The following ERGIC2 variants were observed in gnomAD, a reference collection of about 807,000 sequenced individuals.
ERGIC2 encodes the protein endoplasmic reticulum-Golgi intermediate compartment protein 2.
ERGIC2 carries 31 observed loss-of-function variants against 52.5 expected under a neutral mutation model. That is an observed-to-expected ratio of 0.59 (90% CI 0.44 to 0.80). ERGIC2 has a LOEUF of 0.80. Among genes scored for constraint, ERGIC2 ranks in the 30% least tolerant of loss-of-function variants. The pLI is 0.00. For synonymous variants in ERGIC2, 129 were observed against 140.6 expected (o/e 0.92, Z 0.58); for missense variants, 395 against 455.2 (o/e 0.87, Z 1.20).
At chr12:29,341,335 T>TTC (rs891013287) in intron 13 of ERGIC2, 117 bp from the exon 14 acceptor site, 13 of 766,772 alleles carry the variant, frequency 1.7e-5, no homozygotes, top group African/African-American at 7.1e-5. Context: ...AAGCTACTAT[T>TTC]TCTCTCTCTC....
intron 1 of ERGIC2, among the ~76,000 whole-genome samples, chr12:29,380,411 A>C (rs1002671012): frequency 6.6e-6 from 1 of 152,110 alleles, no homozygotes; most frequent in African/African-American, 2.4e-5. Flanking sequence ...CTTTGTCTTT[A>C]AGTCTCGGGG....
chr12:29,349,946 T>G, intron 9 of ERGIC2, 67 bp downstream of exon 9: 1 of 964,688 alleles, frequency 1.0e-6, no homozygotes, highest in East Asian at 2.6e-5. Flanking sequence ...CTACACTATA[T>G]CTGCACTTTT....
rs1949820178 is a variant in ERGIC2 at position 29,339,266 on chromosome 12, C to A, written c.*1890G>T. 6.6e-6 allele frequency: 1 copy of A among 152,046 alleles called. No individual in the cohort carries two copies. Among genetic ancestry groups the A allele is most frequent in the Admixed American group, 6.5e-5 (1 of 15,270 alleles). 9.4% of individuals were successfully genotyped at this position (152,046 alleles called of 1,614,324 possible). On this transcript the variant is annotated 3_prime_UTR_variant, in exon 14 of 14. Coordinates refer to ENST00000360150, the MANE Select transcript of ERGIC2 (RefSeq NM_016570.3). ...ACAATTAAAAATCATATATAAGTAT[C>A]AAAATAATTTTTAAAGTCCTTTTTA...
intron 10 of ERGIC2, among the ~76,000 whole-genome samples, chr12:29,347,582 C>T (rs919330142): frequency 2.6e-5 from 4 of 152,054 alleles, no homozygotes; most frequent in East Asian, 1.9e-4. Flanking sequence ...TAGGAACGTG[C>T]GCTCTATGAA....
rs770296000 is a variant in ERGIC2, at chr12:29,357,682, T to G, written c.417A>C (p.Ser139=). ...LIQSRLQEEH[S]LQDVIFKSAF... ...CACTTTTAAATATCACATCTTGAAG[T>G]GAATGCTCTTCTTGTAGCCTACTCT... Residue 139 remains serine, a synonymous_variant, in exon 7 of 14, where the codon TCA becomes TCC. Transcript: ENST00000360150. 109 of 1,609,860 alleles carry G rather than the reference T, an allele frequency of 6.8e-5. 1 individual carries two copies. The highest frequency in any genetic ancestry group is 2.5e-6 in the Non-Finnish European group (3 of 1,176,752).
rs746653563 is a variant in ERGIC2 at position 29,357,638 on chromosome 12, G to C, written c.461C>G (p.Thr154Arg). ...IFKSAFKSTS[T>R]ALPPREDDSS... ...CAGATCTCACCTTGGTGGAAGAGCTGTTGATGTACTTTTAAAAGCACTTTT... is the reference window on the plus strand; with the variant it reads ...CAGATCTCACCTTGGTGGAAGAGCTCTTGATGTACTTTTAAAAGCACTTTT... The change falls in exon 7 of 14, where the codon ACA becomes AGA. Residue 154 changes from threonine to arginine, a missense_variant. Thr to Arg is a moderately conservative substitution (Grantham distance 71, BLOSUM62 -1). Coordinates refer to ENST00000360150, the MANE Select transcript of ERGIC2 (RefSeq NM_016570.3). 1 of 1,567,732 alleles carries C rather than the reference G, an allele frequency of 6.4e-7. No homozygotes were observed. Among genetic ancestry groups the C allele is most frequent in the Non-Finnish European group, 8.8e-7 (1 of 1,138,670 alleles).
chr12:29,357,326 C>G (rs957955673), intron 7 of ERGIC2, among the ~76,000 whole-genome samples: 1 of 152,066 alleles, frequency 6.6e-6, no homozygotes, highest in Admixed American at 6.6e-5. Flanking sequence ...CTAACCAAAG[C>G]TTATATATCC....
At chr12:29,374,442 T>C (rs1171332932) in intron 1 of ERGIC2, among the ~76,000 whole-genome samples, 2 of 152,126 alleles carry the variant, frequency 1.3e-5, no homozygotes, top group Non-Finnish European at 1.5e-5. Context: ...CCCCAAATGA[T>C]CGCCCACTCC....
rs117477281 is a variant in ERGIC2 at position 29,355,149 on chromosome 12, G to A, written c.572+1233C>T. On this transcript the variant is annotated intron_variant, in intron 8 of 13. Transcript: ENST00000360150. ...CCTCCTCTTCTCCTAGTGTTCAAAG[G>A]TCTTCCTCAATAAAGTCTCCACTGA... 1.8e-3 allele frequency among the ~76,000 whole-genome samples: 269 copies of A among 151,874 alleles called. 5 individuals carry two copies. In the East Asian group the frequency reaches 0.046, roughly 26 times the overall value.
intron 8 of ERGIC2, among the ~76,000 whole-genome samples, chr12:29,352,851 T>G (rs1940151556): frequency 6.6e-6 from 1 of 152,092 alleles, no homozygotes; most frequent in South Asian, 2.1e-4. Flanking sequence ...ACCTTTACAC[T>G]TCTACAAATA....
chr12:29,356,308 C>T lies in ERGIC2; in HGVS notation c.572+74G>A, dbSNP rs918526068. 9 of 886,306 alleles carry T rather than the reference C, an allele frequency of 1.0e-5. No homozygotes were observed. The African/African-American group carries it at 1.3e-4, about 13-fold the overall frequency. The allele number at this position is 886,306 out of a possible 1,614,324, so 54.9% of individuals were successfully genotyped here. On this transcript the variant is annotated intron_variant, in intron 8 of 13. Coordinates refer to ENST00000360150, the MANE Select transcript of ERGIC2 (RefSeq NM_016570.3). The stretch of plus-strand genomic sequence containing the variant: ...AAAGTGCTGGGATTACAGGCGCGAG[C>T]CATCGGCCAGAATTTACTTTTAACC...
chr12:29,379,509 T>C (rs1344961593), intron 1 of ERGIC2, among the ~76,000 whole-genome samples: 1 of 152,202 alleles, frequency 6.6e-6, no homozygotes, highest in East Asian at 1.9e-4. Context: ...TTAAACAATA[T>C]CTTCTTCAGT....
chr12:29,342,543 T>C lies in ERGIC2; in HGVS notation c.988+577A>G, dbSNP rs73067425. Among the ~76,000 whole-genome samples, 1,390 of 152,340 alleles carry C rather than the reference T, an allele frequency of 9.1e-3. 20 individuals are homozygous for C. The highest frequency in any genetic ancestry group is 0.034 in the Middle Eastern group (10 of 294). ...AGAATTGTTTCCTTTTTCTCTATTG[T>C]ACTTAACTCCCAATTTTCATCATTA... On this transcript the variant is annotated intron_variant, in intron 12 of 13. Coordinates refer to ENST00000360150, the MANE Select transcript of ERGIC2 (RefSeq NM_016570.3).
chr12:29,366,126 T>C (rs1016959826), intron 5 of ERGIC2, among the ~76,000 whole-genome samples: 1 of 151,942 alleles, frequency 6.6e-6, no homozygotes, highest in African/African-American at 2.4e-5. Flanking sequence ...CAATTGTCAA[T>C]GATTAAGAAA....
chr12:29,349,556 G>T (rs1254603506), intron 9 of ERGIC2, among the ~76,000 whole-genome samples: 1 of 151,992 alleles, frequency 6.6e-6, no homozygotes, highest in East Asian at 1.9e-4. Context: ...AAACTGATCA[G>T]ATATATTTTT....
intron 5 of ERGIC2, 80 bp from the exon 6 acceptor site, chr12:29,361,765 A>G: frequency 1.7e-6 from 2 of 1,147,784 alleles, no homozygotes; most frequent in African/African-American, 1.6e-5. Context: ...TTTTTCTTTG[A>G]GCAGGAAACA....
rs1177047830 is a variant in ERGIC2 at position 29,341,005 on chromosome 12, G to A, written c.*151C>T. 2.0e-5 allele frequency: 13 copies of A among 661,536 alleles called. No homozygotes were observed. Among genetic ancestry groups the A allele is most frequent in the Non-Finnish European group, 3.2e-5 (12 of 378,240 alleles). The allele number at this position is 661,536 out of a possible 1,614,324, so 41.0% of individuals were successfully genotyped here. A position where few individuals can be genotyped will look rare whatever the true frequency, so the allele number is the denominator to read the frequency against. ...ACAACGTATATAGAATTTCAGTTTGGGTTTTTTTATCCTTTTTTTTCTTTT... is the reference window on the plus strand; with the variant it reads ...ACAACGTATATAGAATTTCAGTTTGAGTTTTTTTATCCTTTTTTTTCTTTT... On this transcript the variant is annotated 3_prime_UTR_variant, in exon 14 of 14. Coordinates refer to ENST00000360150, the MANE Select transcript of ERGIC2 (RefSeq NM_016570.3).
intron 6 of ERGIC2, 88 bp downstream of exon 6, chr12:29,361,557 A>C: frequency 2.1e-6 from 2 of 932,434 alleles, no homozygotes; most frequent in Non-Finnish European, 3.2e-6. Flanking sequence ...AGAAATCCCT[A>C]GAGAAATGTG....
chr12:29,371,272 CA>C (rs1473533839), intron 2 of ERGIC2, among the ~76,000 whole-genome samples: 1 of 152,064 alleles, frequency 6.6e-6, no homozygotes, highest in African/African-American at 2.4e-5. Context: ...GAAAGGGCAG[CA>C]AAGCAGAAAC....
Sources: gnomAD v4.1 joint callset for allele counts (sites outside exome capture counted in the v4.1 genomes callset) on GRCh38, gnomAD v4.1.1 for gene constraint, MANE v1.5 for transcripts, NCBI Gene and HGNC (gene_info 2026-07-23, HGNC 2026-07-21) for gene names.